The following LRRC71 variants were observed in gnomAD, a reference collection of about 807,000 sequenced individuals.
The protein encoded by LRRC71 is leucine-rich repeat-containing protein 71.
Under a neutral mutation model 66.6 loss-of-function variants are expected in LRRC71, and 54 were observed. The observed-to-expected ratio is 0.81, with a 90% confidence interval of 0.65 to 1.02. LRRC71 has a LOEUF of 1.02. Ranked by LOEUF, LRRC71 falls within the 50% of genes least tolerant of loss-of-function variation. The pLI, the probability that LRRC71 is intolerant of heterozygous loss-of-function variation, is 0.00. For synonymous variants in LRRC71, 323 were observed against 303.9 expected (o/e 1.06, Z -0.65); for missense variants, 724 against 718.0 (o/e 1.01, Z -0.10).
Position 156,927,560 on chromosome 1 carries a change from G to C in LRRC71, c.727G>C (p.Ala243Pro). ...DDRGAQLLGQ[A>P]LSTLHSCNRT... The stretch of plus-strand genomic sequence containing the variant: ...CCGCGGGGCGCAACTCCTGGGCCAG[G>C]CGCTGTCCACGCTGCACAGCTGCAA... Residue 243 changes from alanine (A) to proline (P), a missense_variant, in exon 7 of 15, where the codon GCG becomes CCG. Coordinates refer to ENST00000337428, the MANE Select transcript of LRRC71 (RefSeq NM_144702.3). 6.3e-7 allele frequency: 1 copy of C among 1,583,094 alleles called. No individual in the cohort carries two copies. The highest frequency in any genetic ancestry group is 1.8e-5 in the Admixed American group (1 of 56,260).
rs1378556259 is a variant in LRRC71 at position 156,931,870 on chromosome 1, A to T, written c.1330-46A>T. 5 of 1,435,820 alleles carry T rather than the reference A, an allele frequency of 3.5e-6. No homozygotes were observed. In the East Asian group the frequency reaches 1.2e-4, roughly 36 times the overall value. The allele number at this position is 1,435,820 out of a possible 1,614,324, so 88.9% of individuals were successfully genotyped here. On this transcript the variant is annotated intron_variant, in intron 12 of 14. Transcript: ENST00000337428. ...GAATGAATGAATGAATGGCCTGTTG[A>T]CCAGCTCCCCTGCTGTCTGCTGCAA...
At chr1:156,940,523 G>C in the LRRC71 span, 1 of 1,101,582 alleles carries the variant, frequency 9.1e-7, no homozygotes. Flanking sequence ...TGGGAACACT[G>C]ACTTATTCTA....
At chr1:156,937,190 G>C (rs1406419864), downstream of LRRC71, 16 of 1,607,712 alleles carry the variant, frequency 1.0e-5, no homozygotes, top group Non-Finnish European at 1.4e-5. Flanking sequence ...CACTCATGGG[G>C]AATGGTTTTG....
the LRRC71 span, chr1:156,940,446 T>C: frequency 1.9e-6 from 3 of 1,583,682 alleles, no homozygotes; most frequent in African/African-American, 1.3e-5. Context: ...TGAGAGAAGA[T>C]TGTAAGGCAG....
rs779806027 is a variant in LRRC71 at position 156,931,995 on chromosome 1, G to A, written c.1409G>A (p.Gly470Glu). 6.3e-7 allele frequency: 1 copy of A among 1,599,978 alleles called. No individual in the cohort carries two copies. Among genetic ancestry groups the A allele is most frequent in the East Asian group, 2.2e-5 (1 of 44,468 alleles). ...EHRDGKVFMP[G>E]NKVLLHLNLI... ...CGAGATGGGAAAGTTTTCATGCCTG[G>A]GAACAAGGTCCTTTTGCACCTCAAC... Residue 470 changes from glycine to glutamate, a missense_variant, in exon 13 of 15, where the codon GGG becomes GAG. Physicochemically the swap from Gly to Glu is moderately conservative, Grantham distance 98. Transcript: ENST00000337428.
chr1:156,921,526 C>A, intron 1 of LRRC71: 3 of 569,782 alleles, frequency 5.3e-6, no homozygotes, highest in Non-Finnish European at 6.7e-6. Context: ...AACTTGCTGT[C>A]TCTGGAATCG....
Position 156,923,128 on chromosome 1 carries a change from C to T in LRRC71, c.161-821C>T, listed in dbSNP as rs151335093. Among the ~76,000 whole-genome samples the T allele has an allele frequency of 1.5e-3, 236 of 152,336 alleles. 1 individual carries two copies. Among genetic ancestry groups the T allele is most frequent in the African/African-American group, 5.4e-3 (226 of 41,580 alleles). ...GCTCCTCCACTCCCTCAGGCAGGCT[C>T]CCTACTGCTGAGCTGCAGGTGTCCC... On this transcript the variant is annotated intron_variant, in intron 1 of 14. Transcript: ENST00000337428.
At chr1:156,930,507 C>T (rs1401365440) in intron 11 of LRRC71, 22 bp from the exon 12 acceptor site, 3 of 1,550,296 alleles carry the variant, frequency 1.9e-6, no homozygotes, top group Non-Finnish European at 2.6e-6. Flanking sequence ...ACTGTGCATT[C>T]TGGCTCCTCT....
intron 11 of LRRC71, among the ~76,000 whole-genome samples, chr1:156,930,044 C>CTCTCTTTCTT (rs1654059024): frequency 7.8e-6 from 1 of 127,906 alleles, no homozygotes; most frequent in African/African-American, 3.1e-5. Context: ...TTCTTTCTTT[C>CTCTCTTTCTT]TCTTTCTTTC....
chr1:156,923,157 T>C (rs822437), intron 1 of LRRC71, among the ~76,000 whole-genome samples: 40,625 of 152,140 alleles, frequency 0.27, 6,977 homozygotes, highest in African/African-American at 0.49. Context: ...GTGTCCCTCC[T>C]GGCACAGCTC....
At chr1:156,939,837 C>T in the LRRC71 span, 2 of 1,612,746 alleles carry the variant, frequency 1.2e-6, no homozygotes, top group Non-Finnish European at 1.7e-6. Context: ...CGTCCTCGGG[C>T]TCCTGGGCAG....
the LRRC71 span, chr1:156,939,434 T>C: frequency 1.4e-6 from 2 of 1,465,050 alleles, no homozygotes; most frequent in East Asian, 4.5e-5. Context: ...CCAGCGTAGG[T>C]CTCTGCTCAC....
At chr1:156,921,831 A>G (rs1224113760) in intron 1 of LRRC71, 1 of 215,336 alleles carries the variant, frequency 4.6e-6, no homozygotes, top group East Asian at 1.8e-4. Context: ...CTATTTCAAC[A>G]GCCTAGTCTG....
In LRRC71 at chr1:156,930,578, C is replaced by T. The variant is rs368364282; in HGVS notation, c.1290C>T (p.Ile430=). The change falls in exon 12 of 15, where the codon ATC becomes ATT. Residue 430 remains isoleucine (I), a synonymous_variant. Transcript: ENST00000337428. ...QKPSRAKGIK[I]GSREKRSILL... is the part of the protein sequence containing the mutation. Reference sequence around the variant, plus strand: ...CAAGCAGGGCAAAAGGGATCAAGATCGGGAGCAGAGAGAAGCGCAGCATCC... The same window carrying T: ...CAAGCAGGGCAAAAGGGATCAAGATTGGGAGCAGAGAGAAGCGCAGCATCC... 61 of 1,569,884 alleles carry T rather than the reference C, an allele frequency of 3.9e-5. No homozygotes were observed. The highest frequency in any genetic ancestry group is 1.3e-4 in the Admixed American group (7 of 53,390).
rs1274680118 is a variant in LRRC71, at chr1:156,927,601, G to T, written c.768G>T (p.Ser256=). The T allele has an allele frequency of 1.3e-6, 2 of 1,599,804 alleles. No individual in the cohort carries two copies. The highest frequency in any genetic ancestry group is 1.7e-6 in the Non-Finnish European group (2 of 1,173,128). ...ACAGCTGCAACCGGACCCTCGTCTC[G>T]CTCAACCTGGGTTTCAACCACATCG... ...TLHSCNRTLV[S]LNLGFNHIGD... The change falls in exon 7 of 15, where the codon TCG becomes TCT. Residue 256 remains serine (S), a synonymous_variant. Transcript: ENST00000337428.
chr1:156,936,776 C>T, downstream of LRRC71: 1 of 1,587,060 alleles, frequency 6.3e-7, no homozygotes. Flanking sequence ...CAGACTTCTC[C>T]CCCAATGGTA....
At chr1:156,930,060 T>TTTTCTTTCTTTCTTTTTCTTTCTTTC (rs1654091413) in intron 11 of LRRC71, among the ~76,000 whole-genome samples, 15 of 126,176 alleles carry the variant, frequency 1.2e-4, no homozygotes, top group African/African-American at 5.5e-4. Flanking sequence ...CTTTCTTTCT[T>TTTTCTTTCTTTCTTTTTCTTTCTTTC]TTTCTTTCTT....
chr1:156,940,641 G>A, the LRRC71 span, among the ~76,000 whole-genome samples: 2 of 152,188 alleles, frequency 1.3e-5, no homozygotes, highest in East Asian at 3.8e-4. Flanking sequence ...ACATTCTAGG[G>A]GAGGGACATA....
At chr1:156,940,183 A>C in the LRRC71 span, 1 of 1,543,298 alleles carries the variant, frequency 6.5e-7, no homozygotes, top group Non-Finnish European at 8.7e-7. Flanking sequence ...CCAGGGGCTG[A>C]CGGCAGGGCC....
Sources: gnomAD v4.1 joint callset for allele counts (sites outside exome capture counted in the v4.1 genomes callset) on GRCh38, gnomAD v4.1.1 for gene constraint, MANE v1.5 for transcripts, NCBI Gene and HGNC (gene_info 2026-07-23, HGNC 2026-07-21) for gene names.